CTBP2: variants seen among roughly 807,000 people sequenced by gnomAD.
CTBP2 encodes the protein C-terminal binding protein 2.
CTBP2 carries 30 observed loss-of-function variants against 80.3 expected under a neutral mutation model. The ratio of observed to expected loss-of-function variants is 0.37; its 90% CI spans 0.28 to 0.51. The LOEUF (loss-of-function observed/expected upper bound fraction) is 0.51. Among genes scored for constraint, CTBP2 ranks in the 20% least tolerant of loss-of-function variants. The pLI, the probability that CTBP2 is intolerant of heterozygous loss-of-function variation, is 0.93. For missense variants in CTBP2, 1,212 were observed against 1,375.3 expected (o/e 0.88, Z 1.88); for synonymous variants, 594 against 587.4 (o/e 1.01, Z -0.16).
chr10:125,037,046 G>A (rs182006145), intron 3 of CTBP2, among the ~76,000 whole-genome samples: 17 of 152,316 alleles, frequency 1.1e-4, no homozygotes, highest in South Asian at 2.1e-4. Flanking sequence ...GCCTGTCTGC[G>A]TTGATAGTTA....
intron 2 of CTBP2, among the ~76,000 whole-genome samples, chr10:125,096,827 C>T (rs1849622524): frequency 6.6e-6 from 1 of 152,078 alleles, no homozygotes; most frequent in South Asian, 2.1e-4. Context: ...GCCCCAATTT[C>T]TTCCGAGAAA....
intron 1 of CTBP2, among the ~76,000 whole-genome samples, chr10:125,007,460 G>T (rs976790681): frequency 1.3e-5 from 2 of 152,248 alleles, no homozygotes; most frequent in African/African-American, 2.4e-5. Flanking sequence ...GGACTTTTGT[G>T]AACAGTAACC....
chr10:125,018,068 G>A (rs1956672023), intron 1 of CTBP2, among the ~76,000 whole-genome samples: 1 of 152,246 alleles, frequency 6.6e-6, no homozygotes, highest in Non-Finnish European at 1.5e-5. Flanking sequence ...TACCATTGTT[G>A]ATTTTCCCTT....
chr10:125,118,461 G>C (rs984014146), intron 1 of CTBP2, among the ~76,000 whole-genome samples: 3 of 152,204 alleles, frequency 2.0e-5, no homozygotes, highest in African/African-American at 7.2e-5. Flanking sequence ...AGTTTTGAAA[G>C]GGGGGAAGAA....
chr10:125,139,161 C>T (rs937454479), intron 1 of CTBP2, among the ~76,000 whole-genome samples: 1 of 151,970 alleles, frequency 6.6e-6, no homozygotes. Flanking sequence ...TACTTGAGGC[C>T]AGGAGTTCGA....
At chr10:125,139,190 G>A (rs1297932965) in intron 1 of CTBP2, among the ~76,000 whole-genome samples, 1 of 151,950 alleles carries the variant, frequency 6.6e-6, no homozygotes, top group Non-Finnish European at 1.5e-5. Context: ...TGGCCAACAT[G>A]GTGAAGCCCT....
intron 1 of CTBP2, among the ~76,000 whole-genome samples, chr10:125,158,411 C>T (rs1050662290): frequency 6.6e-6 from 1 of 152,124 alleles, no homozygotes; most frequent in East Asian, 1.9e-4. Flanking sequence ...CAAAATATAA[C>T]GTCCCCTCAA....
intron 2 of CTBP2, among the ~76,000 whole-genome samples, chr10:125,051,160 C>T (rs927456956): frequency 1.3e-5 from 2 of 152,150 alleles, no homozygotes; most frequent in Admixed American, 1.3e-4. Flanking sequence ...AAAAAAGGTC[C>T]GAGGACTCAG....
At chr10:125,141,426 C>T (rs1338240101) in intron 1 of CTBP2, among the ~76,000 whole-genome samples, 1 of 152,184 alleles carries the variant, frequency 6.6e-6, no homozygotes, top group Non-Finnish European at 1.5e-5. Flanking sequence ...GGCAGCTGAC[C>T]TTCCCCACCT....
At chr10:125,122,275 A>G (rs1854458447) in intron 1 of CTBP2, among the ~76,000 whole-genome samples, 1 of 152,254 alleles carries the variant, frequency 6.6e-6, no homozygotes, top group Non-Finnish European at 1.5e-5. Flanking sequence ...TCATGAGGGT[A>G]GCAATTCACA....
At chr10:125,015,110 G>T (rs932695974) in intron 1 of CTBP2, among the ~76,000 whole-genome samples, 3 of 152,132 alleles carry the variant, frequency 2.0e-5, no homozygotes, top group African/African-American at 4.8e-5. Context: ...ACCGGAGCCC[G>T]AGGGAGCTTC....
At chr10:124,991,730 C>CT (rs1952646171) in intron 8 of CTBP2, among the ~76,000 whole-genome samples, 1 of 152,156 alleles carries the variant, frequency 6.6e-6, no homozygotes, top group South Asian at 2.1e-4. Context: ...GCCAGGCCTC[C>CT]TACGAGAGAA....
At chr10:125,079,553 C>T (rs112183818) in intron 2 of CTBP2, among the ~76,000 whole-genome samples, 2,475 of 152,226 alleles carry the variant, frequency 0.016, 72 homozygotes, top group African/African-American at 0.056. Context: ...TTTGAAACAG[C>T]CCATTATACA....
chr10:125,142,944 C>T lies in CTBP2; in HGVS notation c.-206+17375G>A, dbSNP rs1352848936. ...AGGACATGGGAGCTGAAAGGACACG[C>T]GAGCTTGAAAGGCTCCTACCTTGGG... On this transcript the variant is annotated intron_variant, in intron 1 of 10. Transcript: ENST00000337195. Among the ~76,000 whole-genome samples, 4 of 152,156 alleles carry T rather than the reference C, an allele frequency of 2.6e-5. No individual in the cohort carries two copies. The East Asian group carries it at 5.8e-4, about 22-fold the overall frequency.
chr10:125,030,087 G>T (rs572328282), upstream of CTBP2, among the ~76,000 whole-genome samples: 2 of 151,906 alleles, frequency 1.3e-5, no homozygotes, highest in Non-Finnish European at 2.9e-5. Flanking sequence ...GTTTTCCTGC[G>T]CTAGGTAAAA....
intron 1 of CTBP2, among the ~76,000 whole-genome samples, chr10:125,006,307 G>C (rs996362841): frequency 1.8e-4 from 28 of 152,214 alleles, no homozygotes; most frequent in African/African-American, 6.7e-4. Context: ...GGCTGGAGGT[G>C]GGGGGTTGGG....
intron 1 of CTBP2, among the ~76,000 whole-genome samples, chr10:125,010,615 G>C (rs573040417): frequency 1.4e-4 from 21 of 152,306 alleles, no homozygotes; most frequent in African/African-American, 4.8e-4. Flanking sequence ...CAGGACCTCA[G>C]CCCTGGAGTG....
intron 2 of CTBP2, among the ~76,000 whole-genome samples, chr10:125,104,178 G>C (rs1851087851): frequency 6.6e-6 from 1 of 152,190 alleles, no homozygotes; most frequent in Non-Finnish European, 1.5e-5. Context: ...TGCTCACGGG[G>C]ACATTCGATC....
intron 1 of CTBP2, among the ~76,000 whole-genome samples, chr10:125,135,146 GGGA>G: frequency 6.6e-6 from 1 of 152,066 alleles, no homozygotes; most frequent in South Asian, 2.1e-4. Context: ...CCTGCACCCT[GGGA>G]GGAAACCAAG....
Sources: allele counts gnomAD v4.1 joint callset (sites outside exome capture counted in the v4.1 genomes callset), GRCh38; gene constraint gnomAD v4.1.1; transcripts MANE v1.5; gene names NCBI Gene and HGNC (gene_info 2026-07-23, HGNC 2026-07-21).